Variants in STXBP4 observed in about 807,000 individuals in gnomAD.
STXBP4 encodes syntaxin binding protein 4.
In STXBP4, 55 loss-of-function variants were observed where a neutral mutation model predicts 76.1. The observed-to-expected ratio is 0.72, with a 90% CI of 0.58 to 0.91. The LOEUF (loss-of-function observed/expected upper bound fraction) is 0.91, where lower values mean the gene tolerates loss of function less well. Ranked by LOEUF, STXBP4 falls within the 40% of genes least tolerant of loss-of-function variation. The probability of loss-of-function intolerance (pLI) is 0.00; values close to 1 mark genes in which losing one functional copy is unlikely to be tolerated. For missense variants in STXBP4, 618 were observed against 636.9 expected (o/e 0.97, Z 0.32); for synonymous variants, 201 against 220.2 (o/e 0.91, Z 0.77).
chr17:55,006,648 G>C (rs1367635060), intron 7 of STXBP4, among the ~76,000 whole-genome samples: 1 of 152,144 alleles, frequency 6.6e-6, no homozygotes. Context: ...GTAGAAAAAT[G>C]GGTAAGAAGT....
chr17:55,197,671 A>C, the STXBP4 span, among the ~76,000 whole-genome samples: 1 of 151,860 alleles, frequency 6.6e-6, no homozygotes, highest in African/African-American at 2.4e-5. Context: ...TGAACTGGGG[A>C]GGCGGAGGTT....
chr17:55,079,503 A>G (rs1026921973), intron 15 of STXBP4, among the ~76,000 whole-genome samples: 17 of 151,826 alleles, frequency 1.1e-4, no homozygotes, highest in African/African-American at 4.1e-4. Flanking sequence ...CATACCTGTA[A>G]TCCCAGTATT....
intron 16 of STXBP4, among the ~76,000 whole-genome samples, chr17:55,094,830 T>G (rs2079463477): frequency 6.6e-6 from 1 of 152,202 alleles, no homozygotes; most frequent in Non-Finnish European, 1.5e-5. Flanking sequence ...ACATAGACAG[T>G]TCTTCAGTCA....
intron 10 of STXBP4, among the ~76,000 whole-genome samples, chr17:55,040,398 A>G (rs2078677764): frequency 1.3e-5 from 2 of 152,180 alleles, no homozygotes; most frequent in South Asian, 4.1e-4. Flanking sequence ...GTAAAGTCAC[A>G]CACAATTTTA....
intron 12 of STXBP4, among the ~76,000 whole-genome samples, chr17:55,047,889 A>C (rs1401899685): frequency 2.0e-5 from 3 of 151,954 alleles, no homozygotes; most frequent in Non-Finnish European, 4.4e-5. Flanking sequence ...AATAATTCCA[A>C]CAAAACTTCT....
At position 54,972,988 on chromosome 17, in the gene STXBP4, C is replaced by G. The variant is rs377533108; in HGVS notation, c.-157+4173C>G. 4.5e-4 allele frequency among the ~76,000 whole-genome samples: 69 copies of G among 152,248 alleles called. No individual in the cohort carries two copies. In the East Asian group the frequency reaches 8.9e-3, roughly 20 times the overall value. On this transcript the variant is annotated intron_variant, in intron 1 of 17. Transcript: ENST00000376352. ...GCCCACTGGACACCATCCAAACACT[C>G]AGCAAGACAAAAGTGACGAGGAAGA...
At position 55,094,365 on chromosome 17, in the gene STXBP4, T is replaced by C. The variant is rs976034550; in HGVS notation, c.1489+13182T>C. 2.1e-4 allele frequency among the ~76,000 whole-genome samples: 32 copies of C among 152,210 alleles called. No homozygotes were observed. In the Middle Eastern group the frequency reaches 0.01, roughly 49 times the overall value. On this transcript the variant is annotated intron_variant, in intron 16 of 17. Coordinates refer to ENST00000376352, the MANE Select transcript of STXBP4 (RefSeq NM_178509.6). ...ATGGTCTACATTTTAAAAGATCCTT[T>C]GGGTGTTTGTTTAAAACTGGGCTCT...
intron 12 of STXBP4, among the ~76,000 whole-genome samples, chr17:55,071,704 T>C (rs1254041580): frequency 6.6e-6 from 1 of 152,192 alleles, no homozygotes; most frequent in East Asian, 1.9e-4. Flanking sequence ...TAAATCATTA[T>C]TGAATGTATG....
rs550058993 is a variant in STXBP4 at position 55,108,638 on chromosome 17, G to A, written c.1489+27455G>A. ...ACCGTTCCTCACGGCACAGTCCCTC[G>A]TGGCTTTCCTTGGATAGGGGAGGGA... On this transcript the variant is annotated intron_variant, in intron 16 of 17. Coordinates refer to ENST00000376352, the MANE Select transcript of STXBP4 (RefSeq NM_178509.6). Among the ~76,000 whole-genome samples, 41 of 152,266 alleles carry A rather than the reference G, an allele frequency of 2.7e-4. No homozygotes were observed. The South Asian group carries it at 7.0e-3, about 26-fold the overall frequency.
chr17:55,105,356 A>G (rs2079619046), intron 16 of STXBP4, among the ~76,000 whole-genome samples: 1 of 151,342 alleles, frequency 6.6e-6, no homozygotes, highest in Non-Finnish European at 1.5e-5. Context: ...TAACGTATTT[A>G]TTTCTGCCTT....
intron 13 of STXBP4, among the ~76,000 whole-genome samples, chr17:55,074,698 C>T (rs1333148843): frequency 6.6e-6 from 1 of 151,908 alleles, no homozygotes; most frequent in Admixed American, 6.6e-5. Context: ...TCCTAAGTTG[C>T]CTGGTAATAT....
downstream of STXBP4, among the ~76,000 whole-genome samples, chr17:55,176,442 C>T (rs2080431222): frequency 6.6e-6 from 1 of 152,130 alleles, no homozygotes; most frequent in African/African-American, 2.4e-5. Flanking sequence ...ACCATGTAAA[C>T]AGAGCACATC....
chr17:55,025,164 TA>T (rs899795678), intron 8 of STXBP4, among the ~76,000 whole-genome samples: 166 of 151,756 alleles, frequency 1.1e-3, no homozygotes, highest in African/African-American at 3.5e-3. Flanking sequence ...TAATTTAATT[TA>T]AAAAAAAGTA....
chr17:55,008,676 G>C (rs1489172918), intron 8 of STXBP4, among the ~76,000 whole-genome samples: 1 of 152,166 alleles, frequency 6.6e-6, no homozygotes, highest in Admixed American at 6.5e-5. Flanking sequence ...GGGGAGCATA[G>C]CAAGGCCTGT....
At chr17:55,112,367 G>A (rs1466584293) in intron 16 of STXBP4, among the ~76,000 whole-genome samples, 1 of 152,160 alleles carries the variant, frequency 6.6e-6, no homozygotes, top group East Asian at 1.9e-4. Context: ...GGAAGGCAAG[G>A]TCCTCACTTG....
the STXBP4 span, among the ~76,000 whole-genome samples, chr17:55,211,366 A>G: frequency 8.5e-5 from 13 of 152,246 alleles, 2 homozygotes; most frequent in Admixed American, 1.3e-4. Context: ...CAGCTTCCCG[A>G]GGAGCTAGGA....
At chr17:55,102,411 A>G (rs570239888) in intron 16 of STXBP4, among the ~76,000 whole-genome samples, 1 of 152,278 alleles carries the variant, frequency 6.6e-6, no homozygotes, top group South Asian at 2.1e-4. Context: ...TTTGCTGAGA[A>G]TGATGGTTTC....
intron 8 of STXBP4, among the ~76,000 whole-genome samples, chr17:55,010,843 T>C (rs1357861587): frequency 1.3e-5 from 2 of 152,200 alleles, no homozygotes; most frequent in Non-Finnish European, 2.9e-5. Context: ...TTAAAATTCA[T>C]CATTCAGACA....
intron 16 of STXBP4, among the ~76,000 whole-genome samples, chr17:55,140,140 C>CA (rs1402926771): frequency 6.6e-5 from 10 of 151,958 alleles, no homozygotes; most frequent in Non-Finnish European, 1.3e-4. Flanking sequence ...CTGGTCTCTA[C>CA]AAAAAAATTT....
Sources: allele counts gnomAD v4.1 joint callset (sites outside exome capture counted in the v4.1 genomes callset), GRCh38; gene constraint gnomAD v4.1.1; transcripts MANE v1.5; gene names NCBI Gene and HGNC (gene_info 2026-07-23, HGNC 2026-07-21).